Variants in TRPM3 observed in about 807,000 individuals in gnomAD.
TRPM3 encodes the protein long transient receptor potential channel 3.
In TRPM3, 77 loss-of-function variants were observed where a neutral mutation model predicts 181.2. The ratio of observed to expected loss-of-function variants is 0.42; its 90% CI spans 0.35 to 0.51. The LOEUF (loss-of-function observed/expected upper bound fraction) is 0.51, where lower values mean the gene tolerates loss of function less well. Ranked by LOEUF, TRPM3 falls within the 20% of genes least tolerant of loss-of-function variation. The pLI, the probability that TRPM3 is intolerant of heterozygous loss-of-function variation, is 0.01. For missense variants in TRPM3, 1,759 were observed against 2,196.7 expected (o/e 0.80, Z 3.98); for synonymous variants, 745 against 796.4 (o/e 0.94, Z 1.09).
At chr9:70,595,446 C>G (rs2058840935) in intron 21 of TRPM3, among the ~76,000 whole-genome samples, 1 of 152,118 alleles carries the variant, frequency 6.6e-6, no homozygotes, top group African/African-American at 2.4e-5. Context: ...TACTGGCATC[C>G]ACTGGGTAGA....
intron 1 of TRPM3, among the ~76,000 whole-genome samples, chr9:70,979,879 G>A (rs2097345989): frequency 6.6e-6 from 1 of 152,132 alleles, no homozygotes; most frequent in Admixed American, 6.5e-5. Context: ...GGTGGGGAGG[G>A]GGAGAGGAAG....
At chr9:71,277,837 C>T (rs1003717601) in intron 1 of TRPM3, among the ~76,000 whole-genome samples, 21 of 152,130 alleles carry the variant, frequency 1.4e-4, no homozygotes, top group African/African-American at 4.6e-4. Context: ...AGTTAAGCAT[C>T]GCACTCCACA....
intron 1 of TRPM3, among the ~76,000 whole-genome samples, chr9:70,972,050 C>G (rs575201268): frequency 6.6e-6 from 1 of 152,226 alleles, no homozygotes; most frequent in Non-Finnish European, 1.5e-5. Flanking sequence ...AAATGTTAAC[C>G]AGAGTTATAT....
At chr9:71,326,925 C>T (rs1427110567) in intron 1 of TRPM3, among the ~76,000 whole-genome samples, 1 of 152,204 alleles carries the variant, frequency 6.6e-6, no homozygotes, top group East Asian at 1.9e-4. Flanking sequence ...TACATTCACT[C>T]ACTGAGCTGT....
At chr9:70,593,184 T>C (rs2058428600) in intron 21 of TRPM3, among the ~76,000 whole-genome samples, 1 of 152,228 alleles carries the variant, frequency 6.6e-6, no homozygotes, top group South Asian at 2.1e-4. Context: ...AGGAATATCT[T>C]AAAATCTGAC....
chr9:70,596,687 C>T (rs2059092755), intron 21 of TRPM3, among the ~76,000 whole-genome samples: 1 of 147,620 alleles, frequency 6.8e-6, no homozygotes, highest in Admixed American at 6.8e-5. Context: ...TGCATTCCAG[C>T]CTGGGTGACA....
At chr9:70,763,010 TC>T (rs1256469026) in intron 7 of TRPM3, among the ~76,000 whole-genome samples, 1 of 152,156 alleles carries the variant, frequency 6.6e-6, no homozygotes, top group Non-Finnish European at 1.5e-5. Flanking sequence ...CCAGAAGATG[TC>T]TTCTTATCAG....
At chr9:70,561,253 G>A (rs1279745365) in intron 22 of TRPM3, among the ~76,000 whole-genome samples, 2 of 152,148 alleles carry the variant, frequency 1.3e-5, no homozygotes, top group East Asian at 1.9e-4. Context: ...TATACAGTTC[G>A]CCATGGAGGA....
rs79857708 is a variant in TRPM3 at position 70,913,388 on chromosome 9, T to C, written c.178-48877A>G. Among the ~76,000 whole-genome samples, 403 of 152,286 alleles carry C rather than the reference T, an allele frequency of 2.6e-3. 4 individuals are homozygous for C. The highest frequency in any genetic ancestry group is 8.8e-3 in the African/African-American group (366 of 41,552). On this transcript the variant is annotated intron_variant, in intron 1 of 25. Transcript: ENST00000677713. ...GTGTAGTGACCTCTTTTTCATTGCATTGGCCAGGATCATTGTTCCCCTAGG... is the reference window on the plus strand; with the variant it reads ...GTGTAGTGACCTCTTTTTCATTGCACTGGCCAGGATCATTGTTCCCCTAGG...
At chr9:71,127,077 C>A (rs1462318253) in intron 1 of TRPM3, among the ~76,000 whole-genome samples, 9 of 150,180 alleles carry the variant, frequency 6.0e-5, no homozygotes, top group Admixed American at 1.3e-4. Flanking sequence ...AAAACAAAAA[C>A]AAAAACTCTC....
At chr9:70,836,303 C>T (rs1461666184) in intron 5 of TRPM3, among the ~76,000 whole-genome samples, 4 of 152,124 alleles carry the variant, frequency 2.6e-5, no homozygotes, top group Admixed American at 6.6e-5. Flanking sequence ...CATAAACAAA[C>T]TCCAGTCTCC....
intron 1 of TRPM3, among the ~76,000 whole-genome samples, chr9:70,982,242 A>G (rs1221124976): frequency 6.6e-6 from 1 of 152,182 alleles, no homozygotes; most frequent in Admixed American, 6.5e-5. Context: ...CACTATGTAA[A>G]TCTCAAAGGG....
intron 1 of TRPM3, among the ~76,000 whole-genome samples, chr9:70,884,497 C>T (rs1352778667): frequency 6.6e-6 from 1 of 152,170 alleles, no homozygotes; most frequent in African/African-American, 2.4e-5. Context: ...CAGCATGGGG[C>T]AAAGTGTGCG....
At chr9:71,389,109 C>G (rs2092997340) in intron 1 of TRPM3, among the ~76,000 whole-genome samples, 1 of 151,886 alleles carries the variant, frequency 6.6e-6, no homozygotes, top group Admixed American at 6.6e-5. Flanking sequence ...GACTAATATC[C>G]AGAATCTACA....
chr9:71,365,486 C>T (rs2092304877), intron 1 of TRPM3, among the ~76,000 whole-genome samples: 1 of 152,114 alleles, frequency 6.6e-6, no homozygotes, highest in African/African-American at 2.4e-5. Context: ...CAAATATAAA[C>T]ATATAACTGG....
At chr9:71,328,013 T>G (rs1243839608) in intron 1 of TRPM3, among the ~76,000 whole-genome samples, 1 of 148,866 alleles carries the variant, frequency 6.7e-6, no homozygotes, top group East Asian at 2.0e-4. Flanking sequence ...TATCAAAGAG[T>G]GGGAATGACT....
At chr9:71,053,287 C>T (rs1190385815) in intron 1 of TRPM3, among the ~76,000 whole-genome samples, 1 of 152,050 alleles carries the variant, frequency 6.6e-6, no homozygotes, top group Non-Finnish European at 1.5e-5. Flanking sequence ...CTAACTCACC[C>T]TGCCTCAGTA....
chr9:71,202,440 C>A (rs892232144), intron 1 of TRPM3, among the ~76,000 whole-genome samples: 4 of 152,098 alleles, frequency 2.6e-5, no homozygotes, highest in South Asian at 2.1e-4. Context: ...CTTTCTGTAC[C>A]CCTCATGAGA....
chr9:70,875,112 C>A (rs2095848863), intron 1 of TRPM3, among the ~76,000 whole-genome samples: 1 of 151,744 alleles, frequency 6.6e-6, no homozygotes, highest in South Asian at 2.1e-4. Flanking sequence ...CCATTCAAAG[C>A]AATAGTAAGG....
Sources: allele counts gnomAD v4.1 joint callset (sites outside exome capture counted in the v4.1 genomes callset), GRCh38; gene constraint gnomAD v4.1.1; transcripts MANE v1.5; gene names NCBI Gene and HGNC (gene_info 2026-07-23, HGNC 2026-07-21).